The following RSF1 variants were observed in gnomAD, a reference collection of about 807,000 sequenced individuals.
The protein encoded by RSF1 is remodeling and spacing factor 1.
A neutral mutation model predicts 145.2 loss-of-function variants in RSF1; 13 were observed. The observed-to-expected ratio is 0.09, with a 90% CI of 0.06 to 0.14. RSF1 has a LOEUF of 0.14. RSF1 is among the 10% of genes least tolerant of loss of function. The pLI is 1.00. For synonymous variants in RSF1, 577 were observed against 592.6 expected (o/e 0.97, Z 0.38); for missense variants, 1,517 against 1,718.2 (o/e 0.88, Z 2.07).
At chr11:77,852,435 A>G in the RSF1 span, among the ~76,000 whole-genome samples, 2 of 152,166 alleles carry the variant, frequency 1.3e-5, no homozygotes, top group South Asian at 2.1e-4. Context: ...ATGATTCAGA[A>G]TTCAAACTTC....
rs1003836637 is a variant in RSF1 at position 77,772,632 on chromosome 11, A to T, written c.188-7943T>A. 3.3e-5 allele frequency among the ~76,000 whole-genome samples: 5 copies of T among 152,298 alleles called. No individual in the cohort carries two copies. In the South Asian group the frequency reaches 1.0e-3, roughly 32 times the overall value. ...GGTGCAAACATTGAATTTGTCATTCATAATTGAAGGAATTACACGAGATGA... is the reference window on the plus strand; with the variant it reads ...GGTGCAAACATTGAATTTGTCATTCTTAATTGAAGGAATTACACGAGATGA... On this transcript the variant is annotated intron_variant, in intron 1 of 15. Coordinates refer to ENST00000308488, the MANE Select transcript of RSF1 (RefSeq NM_016578.4).
intron 15 of RSF1, among the ~76,000 whole-genome samples, chr11:77,671,658 A>T (rs1183377611): frequency 6.9e-6 from 1 of 144,564 alleles, no homozygotes; most frequent in African/African-American, 2.6e-5. Context: ...TTTTTGAGAC[A>T]CAGTCTTGCT....
At position 77,667,403 on chromosome 11, in the gene RSF1, C is replaced by G; in HGVS notation, c.3840G>C (p.Glu1280Asp). The G allele has an allele frequency of 6.2e-7, 1 of 1,614,044 alleles. No individual in the cohort carries two copies. Among genetic ancestry groups the G allele is most frequent in the East Asian group, 2.2e-5 (1 of 44,872 alleles). ...SVRKRGRSTDEYSEADEEEEE... is the reference protein window; with the variant it reads ...SVRKRGRSTDDYSEADEEEEE... ...CCTCCTCCTCATCTGCTTCTGAATA[C>G]TCGTCTGTGCTTCGGCCCCGCTTTC... The change falls in exon 16 of 16, where the codon GAG becomes GAC. Residue 1280 changes from glutamate (E) to aspartate (D), a missense_variant. By Grantham distance (45) the Glu-to-Asp change is conservative. This residue lies in a region of RSF1 where 240 missense variants were observed against 231.8 expected (regional missense o/e 1.04). Coordinates refer to ENST00000308488, the MANE Select transcript of RSF1 (RefSeq NM_016578.4).
intron 2 of RSF1, among the ~76,000 whole-genome samples, chr11:77,761,389 T>A (rs1184078233): frequency 1.3e-5 from 2 of 152,216 alleles, no homozygotes; most frequent in African/African-American, 4.8e-5. Context: ...ATTTCTTTTT[T>A]TTTTTAAACT....
intron 14 of RSF1, among the ~76,000 whole-genome samples, chr11:77,672,810 G>A (rs1959592913): frequency 6.6e-6 from 1 of 152,128 alleles, no homozygotes; most frequent in Non-Finnish European, 1.5e-5. Flanking sequence ...AGCCTTCCGA[G>A]TAGCTGGGAC....
chr11:77,820,614 C>A lies in RSF1; in HGVS notation c.101G>T (p.Gly34Val). 6.4e-7 allele frequency: 1 copy of A among 1,567,010 alleles called. No individual in the cohort carries two copies. The highest frequency in any genetic ancestry group is 8.6e-7 in the Non-Finnish European group (1 of 1,157,630). ...CAACTCAGGCAGGTCTAGCAGCGGC[C>A]CGTAGCGCTCCAAGAAGGAGCAGAC... Reference protein sequence around the residue: ...AVVCSFLERYGPLLDLPELPF... With the variant: ...AVVCSFLERYVPLLDLPELPF... Residue 34 changes from glycine to valine, a missense_variant, in exon 1 of 16, where the codon GGG (glycine) becomes GTG (valine). This residue lies in a region of RSF1 where 85 missense variants were observed against 91.8 expected (regional missense o/e 0.93). Coordinates refer to ENST00000308488, the MANE Select transcript of RSF1 (RefSeq NM_016578.4).
At chr11:77,721,616 A>C (rs1960942064) in intron 5 of RSF1, among the ~76,000 whole-genome samples, 1 of 152,216 alleles carries the variant, frequency 6.6e-6, no homozygotes, top group African/African-American at 2.4e-5. Flanking sequence ...TACACTACTA[A>C]ACAGGGTTTG....
Position 77,678,109 on chromosome 11 carries a change from T to C in RSF1, c.3110A>G (p.Asp1037Gly). Residue 1037 changes from aspartate to glycine, a missense_variant, in exon 12 of 16, where the codon GAC (aspartate) becomes GGC (glycine). Physicochemically the swap from Asp to Gly is moderately conservative, Grantham distance 94. Transcript: ENST00000308488. ...ACCTCCTCCATCGGCTTCTTTGATG[T>C]CATCTTCAATAGCTTCATCAATTGC... ...DEAIDEAIEDDIKEADGGGVG... is the reference protein window; with the variant it reads ...DEAIDEAIEDGIKEADGGGVG... 1 of 1,611,968 alleles carries C rather than the reference T, an allele frequency of 6.2e-7. No homozygotes were observed. The highest frequency in any genetic ancestry group is 8.5e-7 in the Non-Finnish European group (1 of 1,178,984).
At chr11:77,844,110 G>A in the RSF1 span, among the ~76,000 whole-genome samples, 1 of 152,052 alleles carries the variant, frequency 6.6e-6, no homozygotes, top group Non-Finnish European at 1.5e-5. Flanking sequence ...AACTGTATCA[G>A]CCCTCTTCTA....
chr11:77,748,213 G>A (rs1948022217), intron 2 of RSF1, among the ~76,000 whole-genome samples: 3 of 147,830 alleles, frequency 2.0e-5, no homozygotes, highest in African/African-American at 7.4e-5. Flanking sequence ...TATAATAGAG[G>A]ATCTTTTTTT....
At chr11:77,712,561 G>C (rs1311626558) in intron 5 of RSF1, among the ~76,000 whole-genome samples, 3 of 152,098 alleles carry the variant, frequency 2.0e-5, no homozygotes, top group Non-Finnish European at 4.4e-5. Context: ...ATATCCTGGG[G>C]GAGATACTTT....
At chr11:77,849,311 T>A in the RSF1 span, among the ~76,000 whole-genome samples, 1 of 152,202 alleles carries the variant, frequency 6.6e-6, no homozygotes, top group South Asian at 2.1e-4. Flanking sequence ...AACCTCTGAC[T>A]CCCGGGTTCA....
rs1340797521 is a variant in RSF1 at position 77,660,406 on chromosome 11, C to T, written c.*6511G>A. ...TTACATTTCCAGTTTTCTGATCTTCCCTGCCCCCCCACCCCCACACACATG... is the reference window on the plus strand; with the variant it reads ...TTACATTTCCAGTTTTCTGATCTTCTCTGCCCCCCCACCCCCACACACATG... On this transcript the variant is annotated 3_prime_UTR_variant, in exon 16 of 16. Transcript: ENST00000308488. 6.6e-6 allele frequency: 1 copy of T among 151,580 alleles called. No homozygotes were observed. Among genetic ancestry groups the T allele is most frequent in the African/African-American group, 2.4e-5 (1 of 41,308 alleles). 9.4% of individuals were successfully genotyped at this position (151,580 alleles called of 1,614,324 possible).
At chr11:77,676,269 T>C (rs1312765456) in intron 13 of RSF1, among the ~76,000 whole-genome samples, 3 of 149,888 alleles carry the variant, frequency 2.0e-5, no homozygotes, top group African/African-American at 5.0e-5. Context: ...GTAGCAGTTA[T>C]GCAGAATGAC....
At chr11:77,751,340 C>T (rs920359540) in intron 2 of RSF1, among the ~76,000 whole-genome samples, 1 of 152,164 alleles carries the variant, frequency 6.6e-6, no homozygotes, top group Admixed American at 6.5e-5. Context: ...TCCCTGGGGG[C>T]AGCTAGCCCC....
intron 1 of RSF1, among the ~76,000 whole-genome samples, chr11:77,791,723 A>G (rs1375547792): frequency 1.3e-5 from 2 of 152,230 alleles, no homozygotes; most frequent in Admixed American, 6.5e-5. Context: ...TTGCTAAAAC[A>G]TAACAAGAAT....
intron 4 of RSF1, among the ~76,000 whole-genome samples, chr11:77,737,487 CAACAAA>C (rs746400482): frequency 0.021 from 3,127 of 149,560 alleles, 157 homozygotes; most frequent in Admixed American, 0.11. Context: ...ACAACAACAA[CAACAAA>C]AAAACGGAAA....
intron 1 of RSF1, among the ~76,000 whole-genome samples, chr11:77,775,248 C>CAA (rs36109857): frequency 4.6e-5 from 5 of 107,762 alleles, no homozygotes; most frequent in South Asian, 3.0e-4. Flanking sequence ...GACTCCATCT[C>CAA]AAAAAAAAAA....
chr11:77,683,012 G>T (rs1048462165), intron 11 of RSF1, among the ~76,000 whole-genome samples: 2 of 152,230 alleles, frequency 1.3e-5, no homozygotes, highest in African/African-American at 4.8e-5. Context: ...TCAATGCTTG[G>T]CTGGGTGTGG....
Sources: allele counts gnomAD v4.1 joint callset (sites outside exome capture counted in the v4.1 genomes callset), GRCh38; gene constraint gnomAD v4.1.1; regional missense constraint gnomAD v4.1.1; transcripts MANE v1.5; gene names NCBI Gene and HGNC (gene_info 2026-07-23, HGNC 2026-07-21).